The following TRPM7 variants were observed in gnomAD, a reference collection of about 807,000 sequenced individuals.
TRPM7 encodes the protein LTRPC ion channel family member 7.
TRPM7 carries 134 observed loss-of-function variants against 229.7 expected under a neutral mutation model. The observed-to-expected ratio is 0.58, with a 90% CI of 0.51 to 0.67. The LOEUF (loss-of-function observed/expected upper bound fraction) is 0.67, where lower values mean the gene tolerates loss of function less well. Ranked by LOEUF, TRPM7 falls within the 30% of genes least tolerant of loss-of-function variation. The probability of loss-of-function intolerance (pLI) is 0.00; values close to 1 mark genes in which losing one functional copy is unlikely to be tolerated. For synonymous variants in TRPM7, 699 were observed against 715.2 expected (o/e 0.98, Z 0.36); for missense variants, 1,901 against 2,210.0 (o/e 0.86, Z 2.80).
intron 2 of TRPM7, among the ~76,000 whole-genome samples, chr15:50,660,864 T>C (rs1484081406): frequency 1.3e-5 from 2 of 152,212 alleles, no homozygotes; most frequent in South Asian, 2.1e-4. Flanking sequence ...AAGATCTTCA[T>C]TGTGGCCTAA....
At chr15:50,674,649 T>A (rs537620161) in intron 1 of TRPM7, among the ~76,000 whole-genome samples, 2 of 152,314 alleles carry the variant, frequency 1.3e-5, no homozygotes, top group South Asian at 4.1e-4. Context: ...CTTTTCATAT[T>A]CTTTTTGTTA....
intron 1 of TRPM7, among the ~76,000 whole-genome samples, chr15:50,670,319 T>C (rs2061961746): frequency 6.6e-6 from 1 of 152,128 alleles, no homozygotes; most frequent in South Asian, 2.1e-4. Flanking sequence ...TGAGACCTGC[T>C]GGGCTGCATT....
intron 35 of TRPM7, 70 bp from the exon 36 acceptor site, chr15:50,574,549 ATAAT>A (rs2054044178): frequency 6.5e-7 from 1 of 1,542,452 alleles, no homozygotes. Flanking sequence ...TACAAAATGG[ATAAT>A]TAAATATTCA....
At chr15:50,567,726 T>C (rs2053667346) in intron 38 of TRPM7, among the ~76,000 whole-genome samples, 2 of 151,976 alleles carry the variant, frequency 1.3e-5, no homozygotes, top group East Asian at 1.9e-4. Flanking sequence ...AACCACATGA[T>C]CATACCAAAA....
intron 3 of TRPM7, among the ~76,000 whole-genome samples, chr15:50,649,267 A>C (rs2061351010): frequency 6.6e-6 from 1 of 152,002 alleles, no homozygotes; most frequent in Non-Finnish European, 1.5e-5. Flanking sequence ...CAAGACCCTG[A>C]CTTGACAAAA....
chr15:50,578,655 T>A lies in TRPM7; in HGVS notation c.4602A>T (p.Glu1534Asp). ...DRPSNREMPS[E>D]EGTLNGLTSP... Reference sequence around the variant, plus strand: ...CAGACTCACCATTTAATGTTCCTTCTTCAGATGGCCTAAAGAAACACCAAA... The same window carrying A: ...CAGACTCACCATTTAATGTTCCTTCATCAGATGGCCTAAAGAAACACCAAA... The change falls in exon 31 of 39, where the codon GAA becomes GAT. Residue 1534 changes from glutamate to aspartate, a missense_variant. Glu to Asp is a conservative substitution (Grantham distance 45, BLOSUM62 2). Coordinates refer to ENST00000646667, the MANE Select transcript of TRPM7 (RefSeq NM_017672.6). 1 of 1,609,208 alleles carries A rather than the reference T, an allele frequency of 6.2e-7. No homozygotes were observed.
chr15:50,670,633 C>T (rs1441514237), intron 1 of TRPM7, among the ~76,000 whole-genome samples: 1 of 151,994 alleles, frequency 6.6e-6, no homozygotes, highest in African/African-American at 2.4e-5. Context: ...AACTGCCCAC[C>T]ACTTTCCCAG....
At chr15:50,666,687 A>T (rs564271266) in intron 1 of TRPM7, among the ~76,000 whole-genome samples, 1 of 152,158 alleles carries the variant, frequency 6.6e-6, no homozygotes, top group South Asian at 2.1e-4. Flanking sequence ...CTATAATCGC[A>T]GCTACTTGGA....
In TRPM7 at chr15:50,558,998, T is replaced by A. The variant is rs2053216324; in HGVS notation, c.*2680A>T. ...GCCTCAGTCTCCCAGGCTCAAGTGA[T>A]CCTCCCACCTCAGTCTCCCAAGTAG... On this transcript the variant is annotated 3_prime_UTR_variant, in exon 39 of 39. Transcript: ENST00000646667. The A allele has an allele frequency of 6.6e-6, 1 of 151,608 alleles. No homozygotes were observed. Among genetic ancestry groups the A allele is most frequent in the Admixed American group, 6.6e-5 (1 of 15,188 alleles). 9.4% of individuals were successfully genotyped at this position (151,608 alleles called of 1,614,324 possible).
intron 1 of TRPM7, among the ~76,000 whole-genome samples, chr15:50,676,831 T>C (rs2062104035): frequency 6.6e-6 from 1 of 152,126 alleles, no homozygotes; most frequent in Non-Finnish European, 1.5e-5. Context: ...ATGGGAAAGT[T>C]TCCGCAAGAG....
At chr15:50,683,911 G>C (rs1244533013) in intron 1 of TRPM7, among the ~76,000 whole-genome samples, 1 of 151,318 alleles carries the variant, frequency 6.6e-6, no homozygotes, top group Non-Finnish European at 1.5e-5. Flanking sequence ...ACCCAGGCTG[G>C]AGTGAATGGC....
intron 38 of TRPM7, among the ~76,000 whole-genome samples, chr15:50,568,782 C>T (rs1473499179): frequency 1.3e-5 from 2 of 152,002 alleles, no homozygotes. Flanking sequence ...CGAGAGCAGC[C>T]TGGGTGACAT....
chr15:50,647,773 T>C (rs971130798), intron 4 of TRPM7, among the ~76,000 whole-genome samples: 1 of 151,940 alleles, frequency 6.6e-6, no homozygotes, highest in Non-Finnish European at 1.5e-5. Context: ...GAACATATAG[T>C]AGGCCTTCTG....
At position 50,593,674 on chromosome 15, in the gene TRPM7, T is replaced by C. The variant is rs199705543; in HGVS notation, c.3551A>G (p.Glu1184Gly). 1.9e-6 allele frequency: 3 copies of C among 1,612,258 alleles called. No individual in the cohort carries two copies. The change falls in exon 25 of 39, where the codon GAA becomes GGA. Residue 1184 changes from glutamate (E) to glycine (G), a missense_variant. Glu to Gly is a moderately conservative substitution (Grantham distance 98). Around this residue, in one of 8 missense-constraint regions of TRPM7, gnomAD observed 533 missense variants for 497.1 expected, o/e 1.07. Transcript: ENST00000646667. ...CCCAGAATGAAATTTGTCATCTTTT[T>C]CATTGAAATACATTTCAACACACTG... ...EEQCVEMYFNEKDDKFHSGSE... is the reference protein window; with the variant it reads ...EEQCVEMYFNGKDDKFHSGSE...
At chr15:50,679,131 C>A (rs574736383) in intron 1 of TRPM7, among the ~76,000 whole-genome samples, 2 of 145,420 alleles carry the variant, frequency 1.4e-5, no homozygotes, top group East Asian at 3.9e-4. Context: ...CTCAGCCTTC[C>A]AAAGTGCTGG....
intron 30 of TRPM7, among the ~76,000 whole-genome samples, chr15:50,579,154 A>G (rs1249788545): frequency 1.3e-5 from 2 of 152,236 alleles, no homozygotes; most frequent in Admixed American, 6.5e-5. Context: ...GTATTTATTT[A>G]TAACAACATA....
rs1157365379 is a variant in TRPM7, at chr15:50,654,411, C to A, written c.122+3370G>T. On this transcript the variant is annotated intron_variant, in intron 3 of 38. Coordinates refer to ENST00000646667, the MANE Select transcript of TRPM7 (RefSeq NM_017672.6). Reference sequence around the variant, plus strand: ...GCAGTGAGCTGAGATTGCAGCACTGCACTCCAGCCTGGGCAACAGAACAAG... The same window carrying A: ...GCAGTGAGCTGAGATTGCAGCACTGAACTCCAGCCTGGGCAACAGAACAAG... 2.0e-5 allele frequency among the ~76,000 whole-genome samples: 3 copies of A among 151,160 alleles called. No individual in the cohort carries two copies. In the East Asian group the frequency reaches 5.8e-4, roughly 29 times the overall value.
At chr15:50,598,932 T>TA (rs1445888047) in intron 22 of TRPM7, among the ~76,000 whole-genome samples, 190 bp downstream of exon 22, 2 of 152,322 alleles carry the variant, frequency 1.3e-5, no homozygotes, top group Non-Finnish European at 2.9e-5. Context: ...TACCTGCCAC[T>TA]AAAAAAATTC....
intron 16 of TRPM7, among the ~76,000 whole-genome samples, chr15:50,611,838 A>G (rs753369666): frequency 2.3e-4 from 35 of 152,354 alleles, no homozygotes; most frequent in South Asian, 2.1e-3. Flanking sequence ...GTCTTAGTAT[A>G]TATTAGAAAA....
Sources: allele counts gnomAD v4.1 joint callset (sites outside exome capture counted in the v4.1 genomes callset), GRCh38; gene constraint gnomAD v4.1.1; regional missense constraint gnomAD v4.1.1; transcripts MANE v1.5; gene names NCBI Gene and HGNC (gene_info 2026-07-23, HGNC 2026-07-21).